The following HPSE2 variants were observed in gnomAD, a reference collection of about 807,000 sequenced individuals.
HPSE2 encodes the protein heparanase 2 (inactive).
A neutral mutation model predicts 60.5 loss-of-function variants in HPSE2; 38 were observed. The observed-to-expected ratio is 0.63, with a 90% CI of 0.48 to 0.82. HPSE2 has a LOEUF of 0.82. Among genes scored for constraint, HPSE2 ranks in the 40% least tolerant of loss-of-function variants. The probability of loss-of-function intolerance (pLI) is 0.00; values close to 1 mark genes in which losing one functional copy is unlikely to be tolerated. For synonymous variants in HPSE2, 295 were observed against 293.2 expected (o/e 1.01, Z -0.06); for missense variants, 713 against 740.4 (o/e 0.96, Z 0.43).
At chr10:99,206,560 C>CA (rs768456472) in intron 2 of HPSE2, among the ~76,000 whole-genome samples, 229 of 88,880 alleles carry the variant, frequency 2.6e-3, no homozygotes, top group Admixed American at 4.0e-3. Context: ...GACCCTGTCT[C>CA]AAAAAAAAAA....
chr10:98,715,252 T>A (rs897547662), intron 5 of HPSE2, among the ~76,000 whole-genome samples: 1 of 151,940 alleles, frequency 6.6e-6, no homozygotes, highest in East Asian at 1.9e-4. Flanking sequence ...ATCTAAGAAA[T>A]CACTCCTTAA....
chr10:98,635,319 T>G (rs768095396), intron 7 of HPSE2, among the ~76,000 whole-genome samples: 1 of 152,242 alleles, frequency 6.6e-6, no homozygotes, highest in African/African-American at 2.4e-5. Context: ...GAAAACAGTA[T>G]GGAAGTTCCT....
chr10:99,264,775 T>C, the HPSE2 span, among the ~76,000 whole-genome samples: 3 of 151,988 alleles, frequency 2.0e-5, no homozygotes, highest in East Asian at 3.9e-4. Context: ...ACTAATTCTA[T>C]ATGACAAATG....
intron 9 of HPSE2, among the ~76,000 whole-genome samples, chr10:98,573,343 T>A (rs523205): frequency 0.85 from 129,000 of 152,156 alleles, 55,997 homozygotes; most frequent in East Asian, 1. Flanking sequence ...TTAGAAAGAA[T>A]TTGTTCCAGG....
chr10:98,470,187 T>G (rs564054053), intron 11 of HPSE2, among the ~76,000 whole-genome samples: 1 of 152,200 alleles, frequency 6.6e-6, no homozygotes, highest in African/African-American at 2.4e-5. Flanking sequence ...AACACACATG[T>G]TAAGGTGATA....
chr10:98,741,071 ATTAT>A (rs1159125861), intron 4 of HPSE2, among the ~76,000 whole-genome samples: 1 of 152,152 alleles, frequency 6.6e-6, no homozygotes, highest in East Asian at 1.9e-4. Flanking sequence ...TTAATAAATG[ATTAT>A]TTATCATTAA....
intron 3 of HPSE2, among the ~76,000 whole-genome samples, chr10:98,830,032 C>T (rs10786477): frequency 0.052 from 7,862 of 152,184 alleles, 443 homozygotes; most frequent in East Asian, 0.17. Flanking sequence ...GTGTTGTTCA[C>T]TAATGGGGAT....
At chr10:99,155,889 T>C (rs1200552182) in intron 2 of HPSE2, among the ~76,000 whole-genome samples, 1 of 151,408 alleles carries the variant, frequency 6.6e-6, no homozygotes, top group Non-Finnish European at 1.5e-5. Context: ...AAGAATCAAA[T>C]AGACACAATA....
chr10:98,994,437 G>A (rs1204115643), intron 3 of HPSE2, among the ~76,000 whole-genome samples: 1 of 152,088 alleles, frequency 6.6e-6, no homozygotes, highest in East Asian at 1.9e-4. Flanking sequence ...TCTCAAAATG[G>A]CTCCTTGGGC....
chr10:98,601,983 G>A (rs1264246680), intron 9 of HPSE2, among the ~76,000 whole-genome samples: 1 of 152,150 alleles, frequency 6.6e-6, no homozygotes, highest in African/African-American at 2.4e-5. Context: ...TGACGAGGAC[G>A]GGATGCCAAC....
At chr10:98,756,037 T>C (rs1949871579) in intron 3 of HPSE2, among the ~76,000 whole-genome samples, 1 of 152,008 alleles carries the variant, frequency 6.6e-6, no homozygotes, top group Admixed American at 6.6e-5. Flanking sequence ...CAAAACCATA[T>C]AATTACATGG....
At chr10:99,312,684 T>G in the HPSE2 span, among the ~76,000 whole-genome samples, 2 of 152,252 alleles carry the variant, frequency 1.3e-5, no homozygotes, top group Admixed American at 1.3e-4. Flanking sequence ...CAACACGTCA[T>G]CCATTCTGTA....
At chr10:99,069,071 C>T (rs1842703453) in intron 3 of HPSE2, among the ~76,000 whole-genome samples, 1 of 152,196 alleles carries the variant, frequency 6.6e-6, no homozygotes. Context: ...ACAAACTCTT[C>T]CAGTAACTGA....
At chr10:99,207,752 A>G (rs903442981) in intron 2 of HPSE2, among the ~76,000 whole-genome samples, 8 of 152,110 alleles carry the variant, frequency 5.3e-5, no homozygotes, top group Middle Eastern at 3.4e-3. Flanking sequence ...CTATGTTTTT[A>G]TATAAGCTTC....
intron 9 of HPSE2, among the ~76,000 whole-genome samples, chr10:98,497,657 C>T (rs1349633459): frequency 6.6e-6 from 1 of 152,056 alleles, no homozygotes; most frequent in Admixed American, 6.6e-5. Flanking sequence ...AGGGTGCATG[C>T]AATAATTTAA....
intron 3 of HPSE2, among the ~76,000 whole-genome samples, chr10:99,015,358 C>T (rs1379234702): frequency 6.6e-6 from 1 of 152,172 alleles, no homozygotes; most frequent in Non-Finnish European, 1.5e-5. Context: ...GCTATAAAGA[C>T]ACATGCACAC....
chr10:98,576,645 C>T (rs1433861564), intron 9 of HPSE2, among the ~76,000 whole-genome samples: 1 of 151,958 alleles, frequency 6.6e-6, no homozygotes, highest in Non-Finnish European at 1.5e-5. Context: ...AGAGGGCCCT[C>T]CTCAGGTCTA....
chr10:98,893,192 C>T (rs1455526222), intron 3 of HPSE2, among the ~76,000 whole-genome samples: 3 of 152,052 alleles, frequency 2.0e-5, no homozygotes, highest in Non-Finnish European at 2.9e-5. Flanking sequence ...CTCATCTTCC[C>T]GAGCAGCTGG....
the HPSE2 span, among the ~76,000 whole-genome samples, chr10:99,306,343 T>C: frequency 6.6e-6 from 1 of 152,112 alleles, no homozygotes. Flanking sequence ...GCTCTCTCCT[T>C]TGGCACTGGC....
Sources: allele counts gnomAD v4.1 joint callset (sites outside exome capture counted in the v4.1 genomes callset), GRCh38; gene constraint gnomAD v4.1.1; transcripts MANE v1.5; gene names NCBI Gene and HGNC (gene_info 2026-07-23, HGNC 2026-07-21).